ST8SIA6: variants seen among roughly 807,000 people sequenced by gnomAD.
The protein encoded by ST8SIA6 is alpha-2,8-sialyltransferase 8F.
ST8SIA6 carries 39 observed loss-of-function variants against 33.6 expected under a neutral mutation model. The ratio of observed to expected loss-of-function variants is 1.16; its 90% CI spans 0.90 to 1.52. The LOEUF is 1.52. Among genes scored for constraint, ST8SIA6 ranks in the 40% most tolerant of loss-of-function variants. The probability of loss-of-function intolerance (pLI) is 0.00; values close to 1 mark genes in which losing one functional copy is unlikely to be tolerated. For missense variants in ST8SIA6, 441 were observed against 443.8 expected (o/e 0.99, Z 0.06); for synonymous variants, 172 against 167.2 (o/e 1.03, Z -0.22).
intron 2 of ST8SIA6, among the ~76,000 whole-genome samples, chr10:17,432,955 CTTATTTAT>C (rs767887135): frequency 1.3e-5 from 2 of 152,110 alleles, no homozygotes; most frequent in African/African-American, 2.4e-5. Context: ...GTGTCACTTC[CTTATTTAT>C]TTATTTATTT....
chr10:17,362,929 C>T (rs994512819), intron 3 of ST8SIA6, among the ~76,000 whole-genome samples: 1 of 152,072 alleles, frequency 6.6e-6, no homozygotes, highest in Non-Finnish European at 1.5e-5. Flanking sequence ...TCAGGCTGAT[C>T]TCGAACTCCT....
intron 3 of ST8SIA6, among the ~76,000 whole-genome samples, chr10:17,365,375 A>T (rs1588844180): frequency 1.3e-5 from 2 of 152,358 alleles, no homozygotes; most frequent in East Asian, 1.9e-4. Flanking sequence ...AAATATTTAC[A>T]GTAGTTCCCC....
intron 3 of ST8SIA6, among the ~76,000 whole-genome samples, chr10:17,377,471 A>G (rs911144733): frequency 6.6e-6 from 1 of 152,248 alleles, no homozygotes; most frequent in African/African-American, 2.4e-5. Flanking sequence ...TTCAACAAAA[A>G]TTAATTGAGC....
chr10:17,447,277 G>A (rs989842728), intron 2 of ST8SIA6, among the ~76,000 whole-genome samples: 1 of 151,488 alleles, frequency 6.6e-6, no homozygotes, highest in Non-Finnish European at 1.5e-5. Context: ...GCAGTGGTGT[G>A]GGCCTGTAAT....
At chr10:17,405,857 C>T (rs1481505630) in intron 2 of ST8SIA6, among the ~76,000 whole-genome samples, 4 of 148,844 alleles carry the variant, frequency 2.7e-5, no homozygotes, top group Non-Finnish European at 5.9e-5. Context: ...TGCACTCCAG[C>T]CTGGGCAAGA....
At chr10:17,406,040 A>G (rs1201542273) in intron 2 of ST8SIA6, among the ~76,000 whole-genome samples, 1 of 152,204 alleles carries the variant, frequency 6.6e-6, no homozygotes. Flanking sequence ...TGGAGTGGAG[A>G]CCCTGCTTAA....
At chr10:17,390,439 C>G (rs144639771) in intron 3 of ST8SIA6, 92 bp downstream of exon 3, 12 of 1,101,878 alleles carry the variant, frequency 1.1e-5, no homozygotes, top group Middle Eastern at 4.1e-4. Flanking sequence ...TGAACAGTCT[C>G]ATATTCCAAA....
intron 4 of ST8SIA6, among the ~76,000 whole-genome samples, chr10:17,341,261 G>C (rs1352969020): frequency 1.3e-5 from 2 of 152,210 alleles, no homozygotes; most frequent in Non-Finnish European, 2.9e-5. Context: ...ATCTGTTGTG[G>C]AAGCTTACTT....
intron 3 of ST8SIA6, among the ~76,000 whole-genome samples, chr10:17,365,800 T>C (rs1488771647): frequency 6.6e-6 from 1 of 152,376 alleles, no homozygotes; most frequent in East Asian, 1.9e-4. Flanking sequence ...ACTAGTCTTA[T>C]GTAAGCAGCT....
Position 17,378,956 on chromosome 10 carries a change from T to C in ST8SIA6, c.290+11575A>G, listed in dbSNP as rs527771916. ...CCTGGCTAACATGGTGAAACCCCGT[T>C]ACTACTAAAAATACAAAAAATTAGC... On this transcript the variant is annotated intron_variant, in intron 3 of 7. Coordinates refer to ENST00000377602, the MANE Select transcript of ST8SIA6 (RefSeq NM_001004470.3). Among the ~76,000 whole-genome samples, 1,136 of 151,824 alleles carry C rather than the reference T, an allele frequency of 7.5e-3. 4 individuals carry two copies. The highest frequency in any genetic ancestry group is 9.4e-3 in the Non-Finnish European group (638 of 67,876).
intron 3 of ST8SIA6, among the ~76,000 whole-genome samples, chr10:17,385,606 TG>T: frequency 6.6e-6 from 1 of 152,226 alleles, no homozygotes; most frequent in East Asian, 1.9e-4. Context: ...TGGGGAGAGC[TG>T]GAGACATATT....
intron 4 of ST8SIA6, among the ~76,000 whole-genome samples, chr10:17,350,586 G>C (rs1025857504): frequency 1.3e-5 from 2 of 150,184 alleles, no homozygotes; most frequent in Non-Finnish European, 3.0e-5. Flanking sequence ...CCAAAGGCAG[G>C]AAAACATTCC....
intron 3 of ST8SIA6, among the ~76,000 whole-genome samples, chr10:17,369,440 T>G (rs1849661940): frequency 6.6e-6 from 1 of 152,214 alleles, no homozygotes; most frequent in Admixed American, 6.5e-5. Flanking sequence ...TATTATGCTT[T>G]GTATTATTTC....
At chr10:17,410,686 A>G (rs1343937280) in intron 2 of ST8SIA6, 2 of 152,220 alleles carry the variant, frequency 1.3e-5, no homozygotes, top group Non-Finnish European at 2.9e-5. Context: ...TCCAGGGAAA[A>G]TTAAAACCTG....
chr10:17,402,363 C>T (rs1851077853), intron 2 of ST8SIA6, among the ~76,000 whole-genome samples: 1 of 152,214 alleles, frequency 6.6e-6, no homozygotes, highest in South Asian at 2.1e-4. Flanking sequence ...TTGTGGAAGA[C>T]AGTGTGGCAA....
intron 3 of ST8SIA6, among the ~76,000 whole-genome samples, chr10:17,376,375 C>CGAGTTTT (rs11282092): frequency 0.18 from 27,374 of 151,794 alleles, 2,581 homozygotes; most frequent in South Asian, 0.22. Flanking sequence ...CTCAGACTTC[C>CGAGTTTT]GAGAGCTTTT....
intron 2 of ST8SIA6, among the ~76,000 whole-genome samples, chr10:17,412,338 G>A (rs1193832723): frequency 6.6e-6 from 1 of 152,110 alleles, no homozygotes; most frequent in Admixed American, 6.5e-5. Flanking sequence ...CCAATCCCCA[G>A]ACCTGGAGCT....
chr10:17,413,625 G>C (rs1335916035), intron 2 of ST8SIA6: 1 of 152,142 alleles, frequency 6.6e-6, no homozygotes, highest in Non-Finnish European at 1.5e-5. Flanking sequence ...TGACCATTTT[G>C]ACAAGGGAAT....
intron 2 of ST8SIA6, chr10:17,398,990 T>A (rs962920220): frequency 2.0e-5 from 3 of 152,214 alleles, no homozygotes; most frequent in African/African-American, 7.2e-5. Flanking sequence ...AGCATCGTAG[T>A]CTACTGCATG....
Sources: gnomAD v4.1 joint callset for allele counts (sites outside exome capture counted in the v4.1 genomes callset) on GRCh38, gnomAD v4.1.1 for gene constraint, MANE v1.5 for transcripts, NCBI Gene and HGNC (gene_info 2026-07-23, HGNC 2026-07-21) for gene names.